Variants in ARL15 observed in about 807,000 individuals in gnomAD.
ARL15 encodes the protein ADP-ribosylation factor-like protein 15.
Under a neutral mutation model 25.2 loss-of-function variants are expected in ARL15, and 19 were observed. The observed-to-expected ratio is 0.75, with a 90% CI of 0.53 to 1.10. ARL15 has a LOEUF of 1.10. Ranked by LOEUF, ARL15 falls within the 50% of genes least tolerant of loss-of-function variation. The pLI, the probability that ARL15 is intolerant of heterozygous loss-of-function variation, is 0.00. For missense variants in ARL15, 220 were observed against 246.0 expected, an observed-to-expected ratio of 0.89 and a Z score of 0.71; for synonymous variants, 94 against 86.8, an observed-to-expected ratio of 1.08 and a Z score of -0.46.
intron 4 of ARL15, among the ~76,000 whole-genome samples, chr5:53,966,813 C>T (rs1420907978): frequency 1.3e-5 from 2 of 152,196 alleles, no homozygotes; most frequent in African/African-American, 2.4e-5. Context: ...TAAAACAATG[C>T]ATCCCCGCAA....
intron 4 of ARL15, among the ~76,000 whole-genome samples, chr5:54,093,336 C>G (rs911735308): frequency 1.3e-5 from 2 of 152,134 alleles, no homozygotes; most frequent in African/African-American, 2.4e-5. Flanking sequence ...CTGCTGGGGT[C>G]ACTGAAAGAC....
chr5:54,300,661 C>T (rs1758592788), intron 1 of ARL15, among the ~76,000 whole-genome samples: 2 of 152,210 alleles, frequency 1.3e-5, no homozygotes, highest in South Asian at 4.1e-4. Context: ...CTTCCACATC[C>T]AATTACAAAA....
chr5:53,976,831 C>T (rs917724123), intron 4 of ARL15, among the ~76,000 whole-genome samples: 17 of 152,072 alleles, frequency 1.1e-4, no homozygotes, highest in African/African-American at 3.9e-4. Context: ...CTGAAGAAGA[C>T]GGGCAGCCCC....
intron 4 of ARL15, among the ~76,000 whole-genome samples, chr5:54,018,649 T>C (rs1703457419): frequency 6.6e-6 from 1 of 152,180 alleles, no homozygotes; most frequent in South Asian, 2.1e-4. Flanking sequence ...CATGCTGCTA[T>C]TCATTCATTC....
chr5:54,239,485 CTG>C (rs903541413), intron 1 of ARL15, among the ~76,000 whole-genome samples: 3 of 152,166 alleles, frequency 2.0e-5, no homozygotes, highest in Non-Finnish European at 4.4e-5. Context: ...ATAAGGGAGT[CTG>C]TGTCCCTGTA....
intron 1 of ARL15, among the ~76,000 whole-genome samples, chr5:54,275,705 GAC>G (rs1170533763): frequency 6.7e-6 from 1 of 149,678 alleles, no homozygotes; most frequent in Non-Finnish European, 1.5e-5. Context: ...TTTTTTTTGA[GAC>G]ACAGTCTCAC....
At chr5:54,134,270 A>G (rs973465835) in intron 3 of ARL15, among the ~76,000 whole-genome samples, 2 of 152,188 alleles carry the variant, frequency 1.3e-5, no homozygotes, top group Non-Finnish European at 2.9e-5. Context: ...ATACCATAGT[A>G]TGGGATCATT....
chr5:54,085,524 GACTAAAA>G (rs1751937593), intron 4 of ARL15, among the ~76,000 whole-genome samples: 2 of 152,100 alleles, frequency 1.3e-5, no homozygotes, highest in Non-Finnish European at 2.9e-5. Context: ...TGAACGTACA[GACTAAAA>G]TTGCCAGTTG....
At chr5:54,304,847 C>CTT (rs368137783) in intron 1 of ARL15, among the ~76,000 whole-genome samples, 81 of 149,004 alleles carry the variant, frequency 5.4e-4, no homozygotes, top group Non-Finnish European at 1.1e-3. Flanking sequence ...AAACAATGTA[C>CTT]TTTTTTTTTT....
chr5:54,298,769 T>C (rs1377094776), intron 1 of ARL15, among the ~76,000 whole-genome samples: 1 of 152,024 alleles, frequency 6.6e-6, no homozygotes, highest in African/African-American at 2.4e-5. Context: ...TTTAACAAAA[T>C]TGGCCACTTT....
At chr5:54,182,588 C>A (rs1369455072) in intron 1 of ARL15, among the ~76,000 whole-genome samples, 2 of 147,292 alleles carry the variant, frequency 1.4e-5, no homozygotes, top group Non-Finnish European at 3.0e-5. Context: ...AGTGTGATGC[C>A]TCCAGCTTTG....
chr5:54,241,445 C>A (rs1756954624), intron 1 of ARL15, among the ~76,000 whole-genome samples: 1 of 151,978 alleles, frequency 6.6e-6, no homozygotes, highest in Non-Finnish European at 1.5e-5. Flanking sequence ...GCCTTTTTGT[C>A]TTTTATTTCT....
At chr5:54,207,586 A>T (rs1020076193) in intron 1 of ARL15, among the ~76,000 whole-genome samples, 2 of 152,176 alleles carry the variant, frequency 1.3e-5, no homozygotes, top group African/African-American at 4.8e-5. Flanking sequence ...ACATTTTTTT[A>T]AAAAAGATAA....
chr5:54,104,367 G>T (rs547874755), intron 4 of ARL15, among the ~76,000 whole-genome samples: 3 of 152,088 alleles, frequency 2.0e-5, no homozygotes, highest in East Asian at 3.9e-4. Context: ...TGAGGCTGGG[G>T]GTACATTTGA....
At chr5:54,132,109 A>C (rs1436972785) in intron 3 of ARL15, among the ~76,000 whole-genome samples, 2 of 152,212 alleles carry the variant, frequency 1.3e-5, no homozygotes, top group Non-Finnish European at 2.9e-5. Context: ...ACATTAAAAA[A>C]CATTTAAAAA....
At chr5:54,144,796 C>T (rs1160726460) in intron 3 of ARL15, among the ~76,000 whole-genome samples, 2 of 152,106 alleles carry the variant, frequency 1.3e-5, no homozygotes, top group Non-Finnish European at 2.9e-5. Context: ...AGGCACTGCC[C>T]TACCTCTCTG....
chr5:54,192,741 T>C (rs956981403), intron 1 of ARL15, among the ~76,000 whole-genome samples: 1 of 151,798 alleles, frequency 6.6e-6, no homozygotes, highest in African/African-American at 2.4e-5. Context: ...GTCAGTCTGT[T>C]GAGAGAAAAA....
chr5:54,015,593 T>C (rs1749402649), intron 4 of ARL15, among the ~76,000 whole-genome samples: 1 of 152,222 alleles, frequency 6.6e-6, no homozygotes, highest in Admixed American at 6.5e-5. Flanking sequence ...GTTACCTTAA[T>C]CATTCCACTA....
rs1284242139 is a variant in ARL15 at position 54,163,355 on chromosome 5, GCTTTTTTTTTTTT to G, written c.193+8416_193+8428del. On this transcript the variant is annotated intron_variant, in intron 2 of 4. Coordinates refer to ENST00000504924, the MANE Select transcript of ARL15 (RefSeq NM_019087.3). Reference sequence around the variant, plus strand: ...TGTCCATGAGGGCTATTGGTATGAAGCTTTTTTTTTTTTTTTTTTTTTTTTTTTTTTTTTTTTT... The same window carrying G: ...TGTCCATGAGGGCTATTGGTATGAAGTTTTTTTTTTTTTTTTTTTTTTTTT... Among the ~76,000 whole-genome samples, 51 of 51,340 alleles carry G rather than the reference GCTTTTTTTTTTTT, an allele frequency of 9.9e-4. 2 individuals carry two copies. The highest frequency in any genetic ancestry group is 3.3e-3 in the African/African-American group (40 of 12,086). The allele number at this position is 51,340 out of a possible 152,430, so 33.7% of individuals were successfully genotyped here. A position where few individuals can be genotyped will look rare whatever the true frequency, so the allele number is the denominator to read the frequency against.
Sources: gnomAD v4.1 joint callset for allele counts (sites outside exome capture counted in the v4.1 genomes callset) on GRCh38, gnomAD v4.1.1 for gene constraint, MANE v1.5 for transcripts, NCBI Gene and HGNC (gene_info 2026-07-23, HGNC 2026-07-21) for gene names.